The following HPGDS variants were observed in gnomAD, a reference collection of about 807,000 sequenced individuals.
The protein encoded by HPGDS is hematopoietic prostaglandin D synthase.
A neutral mutation model predicts 23.1 loss-of-function variants in HPGDS; 26 were observed. The observed-to-expected ratio is 1.13, with a 90% CI of 0.83 to 1.56. The LOEUF is 1.56. Ranked by LOEUF, HPGDS falls within the 40% of genes most tolerant of loss-of-function variation. HPGDS has a pLI of 0.00. For synonymous variants in HPGDS, 95 were observed against 77.9 expected, an observed-to-expected ratio of 1.22 and a Z score of -1.16; for missense variants, 268 against 236.4, an observed-to-expected ratio of 1.13 and a Z score of -0.88.
intron 3 of HPGDS, among the ~76,000 whole-genome samples, chr4:94,316,084 G>A (rs550788560): frequency 1.1e-3 from 174 of 152,264 alleles, no homozygotes; most frequent in Non-Finnish European, 2.3e-3. Context: ...TCAGCCCCAA[G>A]TAGTGGCTGT....
intron 1 of HPGDS, among the ~76,000 whole-genome samples, chr4:94,337,509 T>C (rs1364797746): frequency 1.3e-5 from 2 of 152,020 alleles, no homozygotes; most frequent in East Asian, 3.9e-4. Context: ...ACCCCGTCTC[T>C]ACCAAAAATA....
At chr4:94,336,512 A>G (rs1578146423) in intron 1 of HPGDS, among the ~76,000 whole-genome samples, 1 of 152,220 alleles carries the variant, frequency 6.6e-6, no homozygotes, top group South Asian at 2.1e-4. Context: ...CCCAGTTTGC[A>G]TCAGCCAGTC....
chr4:94,303,448 AG>A (rs1756082258), intron 4 of HPGDS, among the ~76,000 whole-genome samples: 1 of 152,192 alleles, frequency 6.6e-6, no homozygotes, highest in Non-Finnish European at 1.5e-5. Context: ...CAAGAATTTC[AG>A]ATAAGGGATA....
intron 2 of HPGDS, among the ~76,000 whole-genome samples, chr4:94,318,415 G>A (rs1756438268): frequency 6.6e-6 from 1 of 151,986 alleles, no homozygotes; most frequent in African/African-American, 2.4e-5. Context: ...ATACTATGGG[G>A]TACATGGTAT....
intron 5 of HPGDS, 83 bp downstream of exon 5, chr4:94,302,058 TAGGTA>T: frequency 1.3e-6 from 1 of 772,560 alleles, no homozygotes; most frequent in Non-Finnish European, 2.1e-6. Flanking sequence ...CCCCTCCCTA[TAGGTA>T]ACTTTTTTTC....
At position 94,299,614 on chromosome 4, in the gene HPGDS, A is replaced by G. The variant is rs1345267457; in HGVS notation, c.466T>C (p.Cys156Arg). 1.9e-6 allele frequency: 3 copies of G among 1,614,090 alleles called. No individual in the cohort carries two copies. Among genetic ancestry groups the G allele is most frequent in the South Asian group, 2.2e-5 (2 of 91,044 alleles). The change falls in exon 6 of 6, where the codon TGC becomes CGC. Residue 156 changes from cysteine to arginine, a missense_variant. Physicochemically the swap from Cys to Arg is radical, Grantham distance 180 (BLOSUM62 -3). Transcript: ENST00000295256. ...TTAAAGACCAAAAGTGTGGTACTGCAAATCTCCCAGTAGAAGTCTGCCCAA... is the reference window on the plus strand; with the variant it reads ...TTAAAGACCAAAAGTGTGGTACTGCGAATCTCCCAGTAGAAGTCTGCCCAA... The part of the protein sequence containing the change: ...VTWADFYWEI[C>R]STTLLVFKPD...
intron 5 of HPGDS, among the ~76,000 whole-genome samples, chr4:94,301,853 A>C (rs1037397417): frequency 3.3e-5 from 5 of 152,070 alleles, no homozygotes; most frequent in Non-Finnish European, 4.4e-5. Flanking sequence ...AGTAGAGTAC[A>C]TATGTATTCT....
intron 3 of HPGDS, among the ~76,000 whole-genome samples, chr4:94,314,318 G>C (rs1020378468): frequency 6.6e-6 from 1 of 152,126 alleles, no homozygotes. Flanking sequence ...TGGAGTTTTG[G>C]TGTGGATGTC....
chr4:94,325,915 G>C lies in HPGDS; in HGVS notation c.134-7950C>G, dbSNP rs574786199. Among the ~76,000 whole-genome samples the C allele has an allele frequency of 7.4e-4, 112 of 152,040 alleles. 2 individuals are homozygous for C. In the South Asian group the frequency reaches 0.021, roughly 28 times the overall value. On this transcript the variant is annotated intron_variant, in intron 2 of 5. Coordinates refer to ENST00000295256, the MANE Select transcript of HPGDS (RefSeq NM_014485.3). ...GAGCTGTTCCTATTCAGCCATCTTG[G>C]AAAAGATCTCTCCTTCATTTTTGAA...
intron 2 of HPGDS, among the ~76,000 whole-genome samples, chr4:94,331,696 C>G (rs550233072): frequency 6.6e-6 from 1 of 152,308 alleles, no homozygotes; most frequent in East Asian, 1.9e-4. Context: ...TATACTTCCA[C>G]TGAATCCCAC....
chr4:94,301,165 G>A (rs1756033278), intron 5 of HPGDS, among the ~76,000 whole-genome samples: 1 of 152,104 alleles, frequency 6.6e-6, no homozygotes, highest in Non-Finnish European at 1.5e-5. Flanking sequence ...ACCCAGAAGG[G>A]CTGAACAGGG....
At chr4:94,325,823 G>C (rs1338055266) in intron 2 of HPGDS, among the ~76,000 whole-genome samples, 1 of 152,146 alleles carries the variant, frequency 6.6e-6, no homozygotes, top group Non-Finnish European at 1.5e-5. Context: ...AGATGAACCA[G>C]GTACCTCAGT....
In HPGDS at chr4:94,313,625, C is replaced by T. The variant is rs564462685; in HGVS notation, c.226+4248G>A. Among the ~76,000 whole-genome samples the T allele has an allele frequency of 3.3e-5, 5 of 152,232 alleles. 1 individual carries two copies. In the East Asian group the frequency reaches 5.8e-4, roughly 18 times the overall value. On this transcript the variant is annotated intron_variant, in intron 3 of 5. Coordinates refer to ENST00000295256, the MANE Select transcript of HPGDS (RefSeq NM_014485.3). Reference sequence around the variant, plus strand: ...CTGACAATTATGTGTCTTGGAGTTGCTCTTCTCGAGGAGTATCTTTGTGGC... The same window carrying T: ...CTGACAATTATGTGTCTTGGAGTTGTTCTTCTCGAGGAGTATCTTTGTGGC...
At chr4:94,302,575 C>T (rs1756064245) in intron 4 of HPGDS, among the ~76,000 whole-genome samples, 1 of 151,998 alleles carries the variant, frequency 6.6e-6, no homozygotes, top group African/African-American at 2.4e-5. Flanking sequence ...TTTTTAGATT[C>T]CTAAAATTTC....
intron 5 of HPGDS, among the ~76,000 whole-genome samples, chr4:94,300,714 A>ATAGGGGT (rs1161507666): frequency 6.7e-6 from 1 of 149,522 alleles, no homozygotes; most frequent in Non-Finnish European, 1.5e-5. Flanking sequence ...ATGCAAAATG[A>ATAGGGGT]TAGGGGTTAG....
rs769535833 is a variant in HPGDS at position 94,299,459 on chromosome 4, C to T, written c.*21G>A. The T allele has an allele frequency of 1.3e-6, 2 of 1,585,458 alleles. No homozygotes were observed. Among genetic ancestry groups the T allele is most frequent in the Non-Finnish European group, 1.7e-6 (2 of 1,162,850 alleles). ...GAGAGATGCCCCCGAGAAAAACAAACTTGAAGGCAACATGGATCAGCTAGA... is the reference window on the plus strand; with the variant it reads ...GAGAGATGCCCCCGAGAAAAACAAATTTGAAGGCAACATGGATCAGCTAGA... On this transcript the variant is annotated 3_prime_UTR_variant, in exon 6 of 6. Transcript: ENST00000295256.
In HPGDS at chr4:94,337,659, G is replaced by A. The variant is rs753945777; in HGVS notation, c.-9-3021C>T. Among the ~76,000 whole-genome samples the A allele has an allele frequency of 2.0e-5, 3 of 151,808 alleles. No individual in the cohort carries two copies. The South Asian group carries it at 6.2e-4, about 32-fold the overall frequency. ...CATTGCACTCCAGCCTGGGGGACAG[G>A]GCAAGACTCCATCTCGAAAAAAGAA... On this transcript the variant is annotated intron_variant, in intron 1 of 5. Transcript: ENST00000295256.
intron 2 of HPGDS, among the ~76,000 whole-genome samples, chr4:94,326,988 CTG>C (rs1050554873): frequency 6.6e-6 from 1 of 151,948 alleles, no homozygotes; most frequent in Non-Finnish European, 1.5e-5. Flanking sequence ...TCAGTGGTGT[CTG>C]TGAGTTTCTC....
chr4:94,314,128 T>A (rs887615800), intron 3 of HPGDS, among the ~76,000 whole-genome samples: 2 of 152,254 alleles, frequency 1.3e-5, no homozygotes, highest in African/African-American at 4.8e-5. Context: ...TGAAGCCTTC[T>A]TCTCTCAACT....
Sources: allele counts gnomAD v4.1 joint callset (sites outside exome capture counted in the v4.1 genomes callset), GRCh38; gene constraint gnomAD v4.1.1; transcripts MANE v1.5; gene names NCBI Gene and HGNC (gene_info 2026-07-23, HGNC 2026-07-21).